Variants in ZNF608 observed in about 807,000 individuals in gnomAD.
ZNF608 encodes the protein zinc finger protein 608, also known as renal carcinoma antigen NY-REN-36.
In ZNF608, 12 loss-of-function variants were observed where a neutral mutation model predicts 109.0. The ratio of observed to expected loss-of-function variants is 0.11; its 90% CI spans 0.07 to 0.18. ZNF608 has a LOEUF of 0.18. Ranked by LOEUF, ZNF608 falls within the 10% of genes least tolerant of loss-of-function variation. ZNF608 has a pLI of 1.00. For missense variants in ZNF608, 1,707 were observed against 1,879.3 expected (o/e 0.91, Z 1.70); for synonymous variants, 732 against 717.4 (o/e 1.02, Z -0.33).
chr5:124,647,106 G>C lies in ZNF608; in HGVS notation c.3278C>G (p.Ser1093Cys). The change falls in exon 5 of 10, where the codon TCT becomes TGT. Residue 1093 changes from serine to cysteine, a missense_variant. Physicochemically the swap from Ser to Cys is moderately radical, Grantham distance 112. Around this residue, in one of 7 missense-constraint regions of ZNF608, gnomAD observed 1,073 missense variants for 1,133.5 expected, o/e 0.95. Coordinates refer to ENST00000513986, the MANE Select transcript of ZNF608 (RefSeq NM_020747.3). ...ATAGGCAGGGCTGGTGGCCATCAGA[G>C]ACTTCTGGTCCATATAGAGCCCATA... The part of the protein sequence containing the change: ...YAYGLYMDQK[S>C]LMATSPAYRQ... The C allele has an allele frequency of 6.2e-7, 1 of 1,614,168 alleles. No individual in the cohort carries two copies. Among genetic ancestry groups the C allele is most frequent in the Non-Finnish European group, 8.5e-7 (1 of 1,180,040 alleles).
intron 2 of ZNF608, among the ~76,000 whole-genome samples, chr5:124,721,057 C>G (rs1753882704): frequency 6.6e-6 from 1 of 152,126 alleles, no homozygotes. Flanking sequence ...GATGCCATGA[C>G]AGTTTGTTAT....
At chr5:124,723,401 T>C (rs1057071135) in intron 2 of ZNF608, among the ~76,000 whole-genome samples, 1 of 152,148 alleles carries the variant, frequency 6.6e-6, no homozygotes. Context: ...TAAATAAAAA[T>C]GTTTGGCTGG....
chr5:124,735,971 G>A (rs962083164), intron 2 of ZNF608, among the ~76,000 whole-genome samples: 2 of 151,636 alleles, frequency 1.3e-5, no homozygotes, highest in Admixed American at 1.3e-4. Flanking sequence ...TCAAAATGTT[G>A]AGCTCATCTT....
chr5:124,649,409 A>G (rs1249455165), intron 4 of ZNF608, among the ~76,000 whole-genome samples: 2 of 152,208 alleles, frequency 1.3e-5, no homozygotes, highest in Non-Finnish European at 2.9e-5. Flanking sequence ...CAAAGACAGG[A>G]GAGAAGGGGT....
chr5:124,744,472 C>G lies in ZNF608; in HGVS notation c.518G>C (p.Ser173Thr). ...TGCCCCCGCGGTGGCGGCAGAGGTG[C>G]TGGTGCTGGTACTATTGCTGTTTGG... is the stretch of plus-strand genomic sequence containing the variant. ...GNPNSNSTST[S>T]TSAATAGAGS... The change falls in exon 2 of 10, where the codon AGC becomes ACC. Residue 173 changes from serine to threonine, a missense_variant. Coordinates refer to ENST00000513986, the MANE Select transcript of ZNF608 (RefSeq NM_020747.3). The surrounding 1 kb of genome is among the most constrained non-coding windows in gnomAD (Gnocchi z 4.5). 2.5e-6 allele frequency: 4 copies of G among 1,614,222 alleles called. No homozygotes were observed. Among genetic ancestry groups the G allele is most frequent in the Non-Finnish European group, 3.4e-6 (4 of 1,180,034 alleles).
Position 124,744,858 on chromosome 5 carries a change from G to C in ZNF608, c.132C>G (p.Asp44Glu). Residue 44 changes from aspartate (D) to glutamate (E), a missense_variant, in exon 2 of 10, where the codon GAC becomes GAG. Asp to Glu is a conservative substitution (Grantham distance 45). Transcript: ENST00000513986. This position sits in a 1 kb window ranked among gnomAD's most constrained non-coding sequence, Gnocchi z 4.5. ...IIDLDADLEK[D>E]RQKFEMNNST... ...AATTATTCATCTCAAATTTCTGTCT[G>C]TCCTTCTCCAAATCAGCGTCCAAAT... The C allele has an allele frequency of 6.2e-7, 1 of 1,614,146 alleles. No homozygotes were observed.
intron 3 of ZNF608, among the ~76,000 whole-genome samples, chr5:124,660,794 T>C (rs1208570146): frequency 6.6e-6 from 1 of 152,212 alleles, no homozygotes; most frequent in African/African-American, 2.4e-5. Flanking sequence ...GGCGTCCTCA[T>C]CTTTTAAACT....
At chr5:124,673,935 T>C (rs1424000507) in intron 3 of ZNF608, among the ~76,000 whole-genome samples, 1 of 152,246 alleles carries the variant, frequency 6.6e-6, no homozygotes, top group Non-Finnish European at 1.5e-5. Context: ...ATATGAAATT[T>C]TTTTTTAATT....
chr5:124,702,334 T>G (rs1009006114), intron 2 of ZNF608, among the ~76,000 whole-genome samples: 3 of 152,190 alleles, frequency 2.0e-5, no homozygotes, highest in African/African-American at 7.2e-5. Flanking sequence ...ATTTAAGGGA[T>G]GACACCTTGC....
Position 124,648,395 on chromosome 5 carries a change from C to A in ZNF608, c.1989G>T (p.Lys663Asn). 6.2e-7 allele frequency: 1 copy of A among 1,614,200 alleles called. No homozygotes were observed. The highest frequency in any genetic ancestry group is 1.1e-5 in the South Asian group (1 of 91,086). The stretch of plus-strand genomic sequence containing the variant: ...TGTTCAGTTCATTGTTAAGGCCCTT[C>A]TTTTTGCCAGAATTCTTCCCAGCTT... Reference protein sequence around the residue: ...GAKAGKNSGKKKGLNNELNNL... With the variant: ...GAKAGKNSGKNKGLNNELNNL... Residue 663 changes from lysine to asparagine, a missense_variant, in exon 5 of 10, where the codon AAG (lysine) becomes AAT (asparagine). Around this residue, in one of 7 missense-constraint regions of ZNF608, gnomAD observed 1,073 missense variants for 1,133.5 expected, o/e 0.95. Coordinates refer to ENST00000513986, the MANE Select transcript of ZNF608 (RefSeq NM_020747.3).
intron 2 of ZNF608, among the ~76,000 whole-genome samples, chr5:124,704,130 T>C (rs559367134): frequency 6.6e-6 from 1 of 152,322 alleles, no homozygotes; most frequent in East Asian, 1.9e-4. Context: ...ATGAGAAAGC[T>C]AAGGTTCAGA....
chr5:124,705,556 C>T (rs1580663932), intron 2 of ZNF608, among the ~76,000 whole-genome samples: 1 of 152,176 alleles, frequency 6.6e-6, no homozygotes, highest in African/African-American at 2.4e-5. Flanking sequence ...TAACCCTGCA[C>T]CCAACCTTCC....
At chr5:124,708,945 G>T (rs1753373051) in intron 2 of ZNF608, among the ~76,000 whole-genome samples, 1 of 152,116 alleles carries the variant, frequency 6.6e-6, no homozygotes, top group Non-Finnish European at 1.5e-5. Flanking sequence ...GCCAAGGCGG[G>T]TAGATCACCT....
At chr5:124,659,390 C>T (rs146595086) in intron 3 of ZNF608, among the ~76,000 whole-genome samples, 14 of 152,258 alleles carry the variant, frequency 9.2e-5, no homozygotes, top group Middle Eastern at 3.4e-3. Flanking sequence ...CTGCCACTTC[C>T]GTATTTTCTG....
intron 3 of ZNF608, among the ~76,000 whole-genome samples, chr5:124,685,452 A>G (rs1349601526): frequency 6.6e-6 from 1 of 152,188 alleles, no homozygotes; most frequent in Admixed American, 6.5e-5. Flanking sequence ...TAAACACCAG[A>G]CTATTCTTTT....
At chr5:124,717,609 G>A (rs1413343136) in intron 2 of ZNF608, among the ~76,000 whole-genome samples, 1 of 152,206 alleles carries the variant, frequency 6.6e-6, no homozygotes, top group East Asian at 1.9e-4. Context: ...TTGAGGCTCT[G>A]AAACAATACA....
At chr5:124,699,266 C>A (rs1201206614) in intron 3 of ZNF608, among the ~76,000 whole-genome samples, 1 of 152,134 alleles carries the variant, frequency 6.6e-6, no homozygotes, top group African/African-American at 2.4e-5. Flanking sequence ...AACTGCACAA[C>A]CCAAGAGAAT....
chr5:124,705,324 C>T lies in ZNF608; in HGVS notation c.907-4055G>A, dbSNP rs549310480. ...AGACAGAATTGGGTTCAAATGCTGA[C>T]CCTGTCAGTACTTGCTGTGTGGAAC... On this transcript the variant is annotated intron_variant, in intron 2 of 9. Coordinates refer to ENST00000513986, the MANE Select transcript of ZNF608 (RefSeq NM_020747.3). 3.3e-5 allele frequency among the ~76,000 whole-genome samples: 5 copies of T among 152,154 alleles called. No homozygotes were observed. In the East Asian group the frequency reaches 9.7e-4, roughly 29 times the overall value.
In ZNF608 at chr5:124,672,150, C is replaced by G. The variant is rs181666450; in HGVS notation, c.1163-22453G>C. ...TTAAATAAACTTGATTTAACTCTCT[C>G]TCAGCCAAATATAATACAGAACTGG... On this transcript the variant is annotated intron_variant, in intron 3 of 9. Coordinates refer to ENST00000513986, the MANE Select transcript of ZNF608 (RefSeq NM_020747.3). 7.9e-5 allele frequency among the ~76,000 whole-genome samples: 12 copies of G among 152,312 alleles called. No individual in the cohort carries two copies. In the East Asian group the frequency reaches 9.6e-4, roughly 12 times the overall value.
Sources: allele counts gnomAD v4.1 joint callset (sites outside exome capture counted in the v4.1 genomes callset), GRCh38; gene constraint gnomAD v4.1.1; regional missense constraint gnomAD v4.1.1; non-coding constraint Gnocchi (gnomAD v3.1); transcripts MANE v1.5; gene names NCBI Gene and HGNC (gene_info 2026-07-23, HGNC 2026-07-21).